Variants in ABL1 observed in about 807,000 individuals in gnomAD.
The protein encoded by ABL1 is tyrosine-protein kinase ABL1.
A neutral mutation model predicts 94.7 loss-of-function variants in ABL1; 11 were observed. The ratio of observed to expected loss-of-function variants is 0.12; its 90% CI spans 0.07 to 0.19. The LOEUF (loss-of-function observed/expected upper bound fraction) is 0.19. Among genes scored for constraint, ABL1 ranks in the 10% least tolerant of loss-of-function variants. The pLI, the probability that ABL1 is intolerant of heterozygous loss-of-function variation, is 1.00. For missense variants in ABL1, 1,082 were observed against 1,489.4 expected (o/e 0.73, Z 4.50); for synonymous variants, 656 against 622.4 (o/e 1.05, Z -0.80).
rs1030847901 is a variant in ABL1 at position 130,835,793 on chromosome 9, T to C, written c.79+268T>C. 6.6e-6 allele frequency among the ~76,000 whole-genome samples: 1 copy of C among 152,114 alleles called. No individual in the cohort carries two copies. Among genetic ancestry groups the C allele is most frequent in the Non-Finnish European group, 1.5e-5 (1 of 68,004 alleles). ...TCTTTCTCTTTCTCGCGATGGCCCC[T>C]AGGCGCCGCCGGCGGAGCGTGGCCC... On this transcript the variant is annotated intron_variant, in intron 1 of 10. Coordinates refer to ENST00000318560, the MANE Select transcript of ABL1 (RefSeq NM_005157.6). The surrounding 1 kb of genome is among the most constrained non-coding windows in gnomAD (Gnocchi z 4.6).
intron 1 of ABL1, among the ~76,000 whole-genome samples, chr9:130,840,443 C>T (rs770430223): frequency 1.3e-5 from 2 of 152,164 alleles, no homozygotes; most frequent in Non-Finnish European, 2.9e-5. Flanking sequence ...CACTTACCAC[C>T]TTGTAAAATC....
intron 1 of ABL1, chr9:130,714,658 G>A (rs1831414027): frequency 5.6e-6 from 4 of 720,396 alleles, no homozygotes; most frequent in Non-Finnish European, 9.6e-6. Flanking sequence ...ATCTATTTGA[G>A]TTGCTTATTT....
At chr9:130,740,072 A>G (rs1437184748) in intron 1 of ABL1, among the ~76,000 whole-genome samples, 1 of 152,194 alleles carries the variant, frequency 6.6e-6, no homozygotes, top group African/African-American at 2.4e-5. Flanking sequence ...TTAATATTAA[A>G]TGTTATTTTA....
At chr9:130,824,481 C>T (rs969617302) in intron 1 of ABL1, among the ~76,000 whole-genome samples, 3 of 152,160 alleles carry the variant, frequency 2.0e-5, no homozygotes, top group Admixed American at 6.5e-5. Flanking sequence ...CTCACAGACA[C>T]ACCTGGAAAT....
intron 1 of ABL1, among the ~76,000 whole-genome samples, chr9:130,716,569 G>C (rs1190657194): frequency 6.6e-6 from 1 of 152,086 alleles, no homozygotes; most frequent in Non-Finnish European, 1.5e-5. Flanking sequence ...TTTGGTGGTT[G>C]GGTTGCAAAC....
chr9:130,859,892 G>A lies in ABL1; in HGVS notation c.550-2871G>A, dbSNP rs139149754. On this transcript the variant is annotated intron_variant, in intron 3 of 10. Transcript: ENST00000318560. ...GATGGGGTTTCACCATGTTGGCCAG[G>A]CTGGTTTCGAACGCCTGACCTCGTG... is the stretch of plus-strand genomic sequence containing the variant. Among the ~76,000 whole-genome samples the A allele has an allele frequency of 1.2e-3, 189 of 151,922 alleles. No individual in the cohort carries two copies. In the East Asian group the frequency reaches 0.02, roughly 16 times the overall value.
chr9:130,800,461 G>GA (rs571119078), intron 1 of ABL1, among the ~76,000 whole-genome samples: 58 of 141,420 alleles, frequency 4.1e-4, no homozygotes, highest in South Asian at 1.4e-3. Context: ...AAAACCTATT[G>GA]AAAAAAAAAA....
intron 1 of ABL1, among the ~76,000 whole-genome samples, chr9:130,850,534 T>C (rs1830839728): frequency 6.6e-6 from 1 of 152,122 alleles, no homozygotes; most frequent in Non-Finnish European, 1.5e-5. Flanking sequence ...TGAAATGGAG[T>C]CTCACTCTGT....
At chr9:130,817,910 T>C (rs751740678) in intron 1 of ABL1, among the ~76,000 whole-genome samples, 2 of 152,228 alleles carry the variant, frequency 1.3e-5, no homozygotes, top group Non-Finnish European at 1.5e-5. Flanking sequence ...AGCATTCACA[T>C]AGAGGCTTTG....
intron 1 of ABL1, among the ~76,000 whole-genome samples, chr9:130,766,542 T>TGA (rs1832185848): frequency 6.6e-6 from 1 of 152,138 alleles, no homozygotes; most frequent in Non-Finnish European, 1.5e-5. Context: ...TTTGACTTAG[T>TGA]GAGTTCCCAC....
At chr9:130,853,919 T>C in intron 1 of ABL1, 145 bp from the exon 2 acceptor site, 2 of 745,440 alleles carry the variant, frequency 2.7e-6, no homozygotes, top group Non-Finnish European at 4.0e-6. Context: ...ACCTTAATGA[T>C]AATAGTATGT....
At chr9:130,857,398 CATT>C (rs1830991619) in intron 3 of ABL1, among the ~76,000 whole-genome samples, 1 of 152,228 alleles carries the variant, frequency 6.6e-6, no homozygotes, top group African/African-American at 2.4e-5. Context: ...AATGGCATCT[CATT>C]ATGTTGAATA....
In ABL1 at chr9:130,740,521, C is replaced by T. The variant is rs190152716; in HGVS notation, c.136+26066C>T. Reference sequence around the variant, plus strand: ...CCAGCTCTTGGCTCCATTTTTCCATCGGTGGTGGTACTATGCCACAGCAGG... The same window carrying T: ...CCAGCTCTTGGCTCCATTTTTCCATTGGTGGTGGTACTATGCCACAGCAGG... On this transcript the variant is annotated intron_variant, in intron 1 of 10. Transcript: ENST00000372348. Among the ~76,000 whole-genome samples the T allele has an allele frequency of 1.6e-4, 25 of 152,362 alleles. No individual in the cohort carries two copies. In the East Asian group the frequency reaches 3.3e-3, roughly 20 times the overall value.
chr9:130,750,235 A>ATATATC (rs1164882700), intron 1 of ABL1, among the ~76,000 whole-genome samples: 1 of 130,366 alleles, frequency 7.7e-6, no homozygotes, highest in Non-Finnish European at 1.6e-5. Flanking sequence ...ATATATATAT[A>ATATATC]TCCAAGTATA....
At chr9:130,752,003 A>G (rs1019565361) in intron 1 of ABL1, among the ~76,000 whole-genome samples, 3 of 152,228 alleles carry the variant, frequency 2.0e-5, no homozygotes, top group African/African-American at 7.2e-5. Flanking sequence ...TGGATTATCC[A>G]TCCACCATAT....
chr9:130,842,672 A>G (rs1830694090), intron 1 of ABL1, among the ~76,000 whole-genome samples: 1 of 152,230 alleles, frequency 6.6e-6, no homozygotes, highest in Middle Eastern at 3.2e-3. Context: ...CCCGGAGTCC[A>G]TGAAGACATG....
chr9:130,759,200 C>G (rs1832079677), intron 1 of ABL1, among the ~76,000 whole-genome samples: 2 of 152,158 alleles, frequency 1.3e-5, no homozygotes, highest in African/African-American at 4.8e-5. Context: ...GCCAAATGAT[C>G]ATAGAATGGT....
chr9:130,813,521 A>T (rs1307467432), intron 1 of ABL1, among the ~76,000 whole-genome samples: 1 of 141,592 alleles, frequency 7.1e-6, no homozygotes, highest in African/African-American at 2.7e-5. Flanking sequence ...AGATGGTGTC[A>T]CTGCACTCCA....
chr9:130,730,658 ACCT>A (rs1831652926), intron 1 of ABL1, among the ~76,000 whole-genome samples: 1 of 150,782 alleles, frequency 6.6e-6, no homozygotes, highest in Non-Finnish European at 1.5e-5. Context: ...TCCAACCTTG[ACCT>A]CCTGGGCTCA....
Sources: gnomAD v4.1 joint callset for allele counts (sites outside exome capture counted in the v4.1 genomes callset) on GRCh38, gnomAD v4.1.1 for gene constraint, Gnocchi (gnomAD v3.1) non-coding constraint, MANE v1.5 for transcripts, NCBI Gene and HGNC (gene_info 2026-07-23, HGNC 2026-07-21) for gene names.